Variants in DCT observed in about 807,000 individuals in gnomAD.
DCT encodes the protein L-dopachrome tautomerase.
DCT carries 47 observed loss-of-function variants against 53.0 expected under a neutral mutation model. That is an observed-to-expected ratio of 0.89 (90% CI 0.70 to 1.13). DCT has a LOEUF of 1.13. Among genes scored for constraint, DCT ranks in the 50% most tolerant of loss-of-function variants. The probability of loss-of-function intolerance (pLI) is 0.00; values close to 1 mark genes in which losing one functional copy is unlikely to be tolerated. For synonymous variants in DCT, 244 were observed against 237.0 expected, an observed-to-expected ratio of 1.03 and a Z score of -0.27; for missense variants, 669 against 637.4, an observed-to-expected ratio of 1.05 and a Z score of -0.53.
chr13:94,543,962 G>A, the DCT span, among the ~76,000 whole-genome samples: 7 of 151,586 alleles, frequency 4.6e-5, no homozygotes, highest in Non-Finnish European at 8.8e-5. Flanking sequence ...TTGAACCCAG[G>A]AGGCAGAGGT....
At chr13:94,499,850 C>T in the DCT span, among the ~76,000 whole-genome samples, 2 of 152,120 alleles carry the variant, frequency 1.3e-5, no homozygotes, top group African/African-American at 4.8e-5. Flanking sequence ...GAAAGCACAG[C>T]TGGCCTTCCC....
chr13:94,527,152 C>A, the DCT span, among the ~76,000 whole-genome samples: 1 of 152,254 alleles, frequency 6.6e-6, no homozygotes, highest in East Asian at 1.9e-4. Flanking sequence ...GAGCCCACCA[C>A]AGCTCAGCAA....
the DCT span, among the ~76,000 whole-genome samples, chr13:94,548,699 C>A: frequency 6.6e-6 from 1 of 151,790 alleles, no homozygotes; most frequent in African/African-American, 2.4e-5. Flanking sequence ...TGAGTACCCA[C>A]GTCCACCCAC....
chr13:94,515,623 G>C, the DCT span, among the ~76,000 whole-genome samples: 1 of 152,198 alleles, frequency 6.6e-6, no homozygotes, highest in Non-Finnish European at 1.5e-5. Context: ...CTCAAGAAGG[G>C]CTTGGAGTGG....
rs371871407 is a variant in DCT at position 94,468,956 on chromosome 13, T to C, written c.385A>G (p.Asn129Asp). The C allele has an allele frequency of 4.0e-5, 64 of 1,614,156 alleles. No individual in the cohort carries two copies. The highest frequency in any genetic ancestry group is 5.0e-5 in the Non-Finnish European group (59 of 1,180,026). ...TCCTGAGGACTCAAGGAATGGATGTTCTGCCGAATCACTGGTGGTTTCTTC... is the reference window on the plus strand; with the variant it reads ...TCCTGAGGACTCAAGGAATGGATGTCCTGCCGAATCACTGGTGGTTTCTTC... ...ERKKPPVIRQ[N>D]IHSLSPQERE... The change falls in exon 2 of 8, where the codon AAC (asparagine) becomes GAC (aspartate). Residue 129 changes from asparagine (N) to aspartate (D), a missense_variant. Physicochemically the swap from Asn to Asp is conservative, Grantham distance 23. Coordinates refer to ENST00000377028, the MANE Select transcript of DCT (RefSeq NM_001922.5).
Position 94,469,021 on chromosome 13 carries a change from C to T in DCT, c.320G>A (p.Gly107Glu), listed in dbSNP as rs1594313124. The stretch of plus-strand genomic sequence containing the variant: ...ACCGGTCCAGCCAAACTTGCAGTCT[C>T]CACAATTATAGCCGGCAAAGTTTCC... ...CTGNFAGYNC[G>E]DCKFGWTGPN... The change falls in exon 2 of 8, where the codon GGA (glycine) becomes GAA (glutamate). Residue 107 changes from glycine (G) to glutamate (E), a missense_variant. Transcript: ENST00000377028. 4 of 1,613,732 alleles carry T rather than the reference C, an allele frequency of 2.5e-6. No homozygotes were observed. The highest frequency in any genetic ancestry group is 3.4e-6 in the Non-Finnish European group (4 of 1,179,678).
In DCT at chr13:94,479,173, A is replaced by C; in HGVS notation, c.83T>G (p.Val28Gly). 1 of 1,612,302 alleles carries C rather than the reference A, an allele frequency of 6.2e-7. No homozygotes were observed. The highest frequency in any genetic ancestry group is 8.5e-7 in the Non-Finnish European group (1 of 1,178,590). ...LPGAQGQFPR[V>G]CMTVDSLVNK... is the part of the protein sequence containing the mutation. ...CACTAGGCTGTCCACCGTCATGCAG[A>C]CTCGGGGGAACTGACCCTGGGCTCC... Residue 28 changes from valine to glycine, a missense_variant, in exon 1 of 8, where the codon GTC (valine) becomes GGC (glycine). By Grantham distance (109) the Val-to-Gly change is moderately radical. Transcript: ENST00000377028.
chr13:94,452,540 A>T, intron 6 of DCT: 1 of 725,112 alleles, frequency 1.4e-6, no homozygotes, highest in Non-Finnish European at 2.5e-6. Flanking sequence ...GCAATTCTGT[A>T]ACATTTATCA....
intron 6 of DCT, chr13:94,444,250 C>T (rs1172600842): frequency 5.6e-5 from 16 of 287,948 alleles, no homozygotes; most frequent in East Asian, 4.2e-4. Context: ...GCAAGTATTC[C>T]GAAATCTGAA....
chr13:94,510,337 C>T, the DCT span, among the ~76,000 whole-genome samples: 5 of 152,140 alleles, frequency 3.3e-5, no homozygotes, highest in African/African-American at 1.2e-4. Flanking sequence ...TCCTGTGTAG[C>T]CAAAGTGGAG....
At chr13:94,477,593 C>T (rs1885177592) in intron 1 of DCT, among the ~76,000 whole-genome samples, 1 of 151,852 alleles carries the variant, frequency 6.6e-6, no homozygotes, top group Non-Finnish European at 1.5e-5. Flanking sequence ...TAGCACTGTG[C>T]AATATATCTA....
rs369095389 is a variant in DCT, at chr13:94,466,592, C to T, written c.662G>A (p.Arg221Gln). Residue 221 changes from arginine (R) to glutamine (Q), a missense_variant, in exon 3 of 8, where the codon CGG (arginine) becomes CAG (glutamine). Arg to Gln is a conservative substitution (Grantham distance 43). Transcript: ENST00000377028. ...HQGPAFVTWHRYHLLCLERDL... is the reference protein window; with the variant it reads ...HQGPAFVTWHQYHLLCLERDL... Reference sequence around the variant, plus strand: ...TCTTTCCAGACACAACAAATGGTACCGGTGCCAGGTAACAAATGCAGGTCC... The same window carrying T: ...TCTTTCCAGACACAACAAATGGTACTGGTGCCAGGTAACAAATGCAGGTCC... The T allele has an allele frequency of 2.7e-5, 43 of 1,611,614 alleles. No homozygotes were observed. Among genetic ancestry groups the T allele is most frequent in the African/African-American group, 1.1e-4 (8 of 74,848 alleles).
the DCT span, among the ~76,000 whole-genome samples, chr13:94,485,147 C>T: frequency 6.6e-6 from 1 of 151,642 alleles, no homozygotes; most frequent in East Asian, 1.9e-4. Context: ...GGGGGGTGGC[C>T]ACAAGAGGAA....
the DCT span, among the ~76,000 whole-genome samples, chr13:94,511,557 A>G: frequency 6.6e-6 from 1 of 151,768 alleles, no homozygotes; most frequent in African/African-American, 2.4e-5. Context: ...ATGGGGTTTC[A>G]CCATGTTGGC....
upstream of DCT, among the ~76,000 whole-genome samples, chr13:94,481,751 T>C (rs1885454190): frequency 1.3e-5 from 2 of 152,182 alleles, no homozygotes; most frequent in African/African-American, 4.8e-5. Context: ...CCTCTCTACT[T>C]GAAGGTTTAG....
At chr13:94,492,696 A>C in the DCT span, among the ~76,000 whole-genome samples, 10 of 152,230 alleles carry the variant, frequency 6.6e-5, no homozygotes, top group African/African-American at 2.2e-4. Flanking sequence ...TATTTATAAG[A>C]AACATTGATT....
At chr13:94,454,468 T>G (rs1883285663) in intron 6 of DCT, among the ~76,000 whole-genome samples, 2 of 152,204 alleles carry the variant, frequency 1.3e-5, no homozygotes, top group Admixed American at 1.3e-4. Context: ...AATTTAATAT[T>G]GAAGACAGCA....
At chr13:94,522,118 T>G in the DCT span, among the ~76,000 whole-genome samples, 2 of 152,200 alleles carry the variant, frequency 1.3e-5, no homozygotes, top group East Asian at 3.9e-4. Flanking sequence ...GGTGTGATAA[T>G]TAATACTGTC....
intron 2 of DCT, chr13:94,467,484 TGA>T (rs1462460203): frequency 1.3e-5 from 2 of 152,206 alleles, no homozygotes; most frequent in Non-Finnish European, 2.9e-5. Context: ...CTTTTCCTCT[TGA>T]GAGAGTACTC....
Sources: allele counts gnomAD v4.1 joint callset (sites outside exome capture counted in the v4.1 genomes callset), GRCh38; gene constraint gnomAD v4.1.1; transcripts MANE v1.5; gene names NCBI Gene and HGNC (gene_info 2026-07-23, HGNC 2026-07-21).